Variants in PRR16 observed in about 807,000 individuals in gnomAD.
PRR16 encodes proline rich 16.
In PRR16, 6 loss-of-function variants were observed where a neutral mutation model predicts 18.2. The ratio of observed to expected loss-of-function variants is 0.33; its 90% CI spans 0.18 to 0.65. The LOEUF is 0.65. Among genes scored for constraint, PRR16 ranks in the 30% least tolerant of loss-of-function variants. PRR16 has a pLI of 0.74. For synonymous variants in PRR16, 151 were observed against 147.8 expected, an observed-to-expected ratio of 1.02 and a Z score of -0.16; for missense variants, 412 against 376.6, an observed-to-expected ratio of 1.09 and a Z score of -0.78.
At chr5:120,602,584 A>G (rs1165357759) in intron 1 of PRR16, among the ~76,000 whole-genome samples, 1 of 152,052 alleles carries the variant, frequency 6.6e-6, no homozygotes, top group African/African-American at 2.4e-5. Context: ...GGCTCTGGCT[A>G]GGCCTTCCTG....
chr5:120,480,973 C>T (rs1300639460), intron 1 of PRR16, among the ~76,000 whole-genome samples: 1 of 152,074 alleles, frequency 6.6e-6, no homozygotes, highest in East Asian at 1.9e-4. Flanking sequence ...GTCCGATTCA[C>T]TTCATGTCTT....
chr5:120,517,094 T>C (rs1580674743), intron 1 of PRR16, among the ~76,000 whole-genome samples: 1 of 152,194 alleles, frequency 6.6e-6, no homozygotes. Context: ...AAAAAATCTT[T>C]GGCAGCAGAT....
At chr5:120,715,546 G>T in the PRR16 span, among the ~76,000 whole-genome samples, 1 of 152,118 alleles carries the variant, frequency 6.6e-6, no homozygotes, top group Non-Finnish European at 1.5e-5. Context: ...GGACTATTGT[G>T]TGTTAACAAA....
intron 1 of PRR16, among the ~76,000 whole-genome samples, chr5:120,592,221 A>T (rs1753660764): frequency 6.6e-6 from 1 of 152,164 alleles, no homozygotes; most frequent in Non-Finnish European, 1.5e-5. Context: ...GCTGCTTCCA[A>T]AAGACTGTCT....
intron 1 of PRR16, among the ~76,000 whole-genome samples, chr5:120,492,883 C>G (rs1283540141): frequency 1.3e-5 from 2 of 152,278 alleles, no homozygotes; most frequent in African/African-American, 4.8e-5. Flanking sequence ...CTACAAAAGA[C>G]ATTATTTCAT....
intron 1 of PRR16, among the ~76,000 whole-genome samples, chr5:120,556,036 C>A (rs1359627963): frequency 6.6e-6 from 1 of 151,452 alleles, no homozygotes; most frequent in African/African-American, 2.4e-5. Context: ...TACTGAGATT[C>A]AGAGAATGCT....
chr5:120,464,738 A>T, intron 1 of PRR16, 93 bp downstream of exon 1: 1 of 1,344,452 alleles, frequency 7.4e-7, no homozygotes, highest in African/African-American at 1.5e-5. Context: ...CAGATTTCCA[A>T]ACTCCTGGGA....
At chr5:120,677,938 T>G (rs1175117556) in intron 1 of PRR16, among the ~76,000 whole-genome samples, 1 of 116,624 alleles carries the variant, frequency 8.6e-6, no homozygotes, top group Non-Finnish European at 1.7e-5. Flanking sequence ...GAGACGGAGT[T>G]TCGCTCTGTC....
intron 1 of PRR16, among the ~76,000 whole-genome samples, chr5:120,681,058 T>C (rs948135775): frequency 2.0e-5 from 3 of 152,152 alleles, no homozygotes; most frequent in Non-Finnish European, 4.4e-5. Flanking sequence ...TTTCTATAAC[T>C]TTATATTGTC....
chr5:120,511,710 C>T (rs1269150902), intron 1 of PRR16, among the ~76,000 whole-genome samples: 1 of 152,156 alleles, frequency 6.6e-6, no homozygotes, highest in Admixed American at 6.5e-5. Context: ...TTAGACTTTT[C>T]AGATTTTAGT....
the PRR16 span, among the ~76,000 whole-genome samples, chr5:120,724,345 T>A: frequency 6.6e-6 from 1 of 152,102 alleles, no homozygotes; most frequent in Non-Finnish European, 1.5e-5. Flanking sequence ...TTGCTGTGCC[T>A]ATAATGATTA....
intron 1 of PRR16, among the ~76,000 whole-genome samples, chr5:120,513,238 G>C (rs1015178323): frequency 5.3e-5 from 8 of 152,108 alleles, no homozygotes; most frequent in Non-Finnish European, 1.0e-4. Flanking sequence ...TCTCATAACA[G>C]TTTCTTTCTA....
At chr5:120,718,397 A>G in the PRR16 span, among the ~76,000 whole-genome samples, 249 of 152,118 alleles carry the variant, frequency 1.6e-3, 1 homozygote, top group East Asian at 2.5e-3. Context: ...TAGGCAAGAA[A>G]CCTATCTTTT....
intron 1 of PRR16, among the ~76,000 whole-genome samples, chr5:120,486,367 C>T (rs9687527): frequency 0.056 from 8,292 of 147,562 alleles, 536 homozygotes; most frequent in African/African-American, 0.17. Flanking sequence ...TGGTATCTCA[C>T]TGTGGTTTTG....
chr5:120,788,687 ATCT>A, the PRR16 span, among the ~76,000 whole-genome samples: 5 of 152,094 alleles, frequency 3.3e-5, no homozygotes, highest in African/African-American at 1.2e-4. Flanking sequence ...AAGTTCTTGC[ATCT>A]TCTTAAGCAA....
rs1275122709 is a variant in PRR16 at position 120,530,277 on chromosome 5, ATATATATTTATTTATT to A, written c.159+65636_159+65651del. Among the ~76,000 whole-genome samples, 5 of 126,200 alleles carry A rather than the reference ATATATATTTATTTATT, an allele frequency of 4.0e-5. No homozygotes were observed. The East Asian group carries it at 6.1e-4, about 15-fold the overall frequency. The allele number at this position is 126,200 out of a possible 152,430, so 82.8% of individuals were successfully genotyped here. A position where few individuals can be genotyped will look rare whatever the true frequency, so the allele number is the denominator to read the frequency against. ...TAAATATATATATATATATATATAT[ATATATATTTATTTATT>A]TATTTATTTATTTATTTATATTTTA... On this transcript the variant is annotated intron_variant, in intron 1 of 1. Transcript: ENST00000407149.
chr5:120,753,829 T>C, the PRR16 span, among the ~76,000 whole-genome samples: 1 of 133,962 alleles, frequency 7.5e-6, no homozygotes, highest in South Asian at 2.1e-4. Flanking sequence ...TATTTATATA[T>C]AATATATATA....
the PRR16 span, among the ~76,000 whole-genome samples, chr5:120,732,282 A>G: frequency 6.6e-6 from 1 of 152,198 alleles, no homozygotes; most frequent in African/African-American, 2.4e-5. Context: ...CTTCATGAGT[A>G]TGTTCACGCT....
rs778454634 is a variant in PRR16, at chr5:120,464,561, G to T, written c.75G>T (p.Lys25Asn). ...AEGPPAASKT[K>N]VKEQIKIIVE... ...GACCGCCGGCAGCCTCCAAAACCAA[G>T]GTGAAGGAACAGATCAAGATCATCG... The change falls in exon 1 of 2, where the codon AAG becomes AAT. Residue 25 changes from lysine to asparagine, a missense_variant. Physicochemically the swap from Lys to Asn is moderately conservative, Grantham distance 94 (BLOSUM62 0). Coordinates refer to ENST00000407149, the MANE Select transcript of PRR16 (RefSeq NM_001300783.2). The T allele has an allele frequency of 6.3e-7, 1 of 1,590,630 alleles. No homozygotes were observed. Among genetic ancestry groups the T allele is most frequent in the South Asian group, 1.1e-5 (1 of 88,996 alleles).
Sources: gnomAD v4.1 joint callset for allele counts (sites outside exome capture counted in the v4.1 genomes callset) on GRCh38, gnomAD v4.1.1 for gene constraint, MANE v1.5 for transcripts, NCBI Gene and HGNC (gene_info 2026-07-23, HGNC 2026-07-21) for gene names.